Variants in CDH26 observed in about 807,000 individuals in gnomAD.
CDH26 encodes cadherin 26.
CDH26 carries 83 observed loss-of-function variants against 90.3 expected under a neutral mutation model. The ratio of observed to expected loss-of-function variants is 0.92; its 90% CI spans 0.77 to 1.10. CDH26 has a LOEUF of 1.10. CDH26 is among the 50% of genes least tolerant of loss of function. The probability of loss-of-function intolerance (pLI) is 0.00; values close to 1 mark genes in which losing one functional copy is unlikely to be tolerated. For synonymous variants in CDH26, 397 were observed against 396.3 expected (o/e 1.00, Z -0.02); for missense variants, 1,013 against 1,037.6 (o/e 0.98, Z 0.33).
intron 8 of CDH26, among the ~76,000 whole-genome samples, chr20:60,032,542 T>C (rs958299808): frequency 1.1e-4 from 16 of 152,116 alleles, no homozygotes; most frequent in Admixed American, 1.0e-3. Context: ...TAAAGACACA[T>C]GCACACGTAT....
At position 59,999,605 on chromosome 20, in the gene CDH26, G is replaced by T. The variant is rs2061648462; in HGVS notation, c.2039G>T (p.Gly680Val). The change falls in exon 14 of 18, where the codon GGC becomes GTC. Residue 680 changes from glycine to valine, a missense_variant. By Grantham distance (109) the Gly-to-Val change is moderately radical. Transcript: ENST00000348616. ...CTACAGACATGGTCAGATGTTGAAGGCCAGAGGCCGGCTCTGCTCATCTGC... is the reference window on the plus strand; with the variant it reads ...CTACAGACATGGTCAGATGTTGAAGTCCAGAGGCCGGCTCTGCTCATCTGC... ...TSAQTWSDVEGQRPALLICTA... is the reference protein window; with the variant it reads ...TSAQTWSDVEVQRPALLICTA... The T allele has an allele frequency of 6.2e-7, 1 of 1,613,942 alleles. No individual in the cohort carries two copies. Among genetic ancestry groups the T allele is most frequent in the African/African-American group, 1.3e-5 (1 of 74,920 alleles).
At chr20:59,999,994 A>G (rs1466052556) in intron 14 of CDH26, among the ~76,000 whole-genome samples, 1 of 152,242 alleles carries the variant, frequency 6.6e-6, no homozygotes, top group Non-Finnish European at 1.5e-5. Flanking sequence ...TTTTCTTAAA[A>G]TGGGCTTGTG....
chr20:60,026,536 G>T (rs1228722258), intron 7 of CDH26, among the ~76,000 whole-genome samples: 1 of 152,178 alleles, frequency 6.6e-6, no homozygotes, highest in Non-Finnish European at 1.5e-5. Context: ...CACAAGCCAA[G>T]GAATGTGGAT....
At chr20:59,973,744 A>G (rs1051005799) in intron 4 of CDH26, among the ~76,000 whole-genome samples, 2 of 152,226 alleles carry the variant, frequency 1.3e-5, no homozygotes, top group Non-Finnish European at 2.9e-5. Flanking sequence ...TTATGGCTGC[A>G]TAGTATTCCA....
chr20:59,966,290 C>T (rs1273688714), intron 1 of CDH26, among the ~76,000 whole-genome samples: 1 of 143,826 alleles, frequency 7.0e-6, no homozygotes, highest in Admixed American at 6.9e-5. Flanking sequence ...GAAGCAATCA[C>T]GCAAGTACTT....
chr20:59,964,657 G>C (rs981286584), intron 1 of CDH26, among the ~76,000 whole-genome samples: 5 of 152,302 alleles, frequency 3.3e-5, no homozygotes, highest in Admixed American at 2.0e-4. Context: ...AAAGAGAGGA[G>C]AAATGAAACA....
chr20:59,990,233 C>G (rs538783041), intron 9 of CDH26, among the ~76,000 whole-genome samples: 11 of 152,346 alleles, frequency 7.2e-5, no homozygotes, highest in African/African-American at 2.6e-4. Context: ...GGTATTGACA[C>G]ATTTTTGTTT....
At chr20:59,979,602 T>A (rs1312272080) in intron 4 of CDH26, among the ~76,000 whole-genome samples, 1 of 19,930 alleles carries the variant, frequency 5.0e-5, no homozygotes, top group Non-Finnish European at 8.4e-5. Flanking sequence ...TGCTATGCAC[T>A]TTTTTTTTTT....
chr20:60,004,807 C>CAT (rs2061725049), intron 16 of CDH26, among the ~76,000 whole-genome samples: 1 of 147,400 alleles, frequency 6.8e-6, no homozygotes, highest in Non-Finnish European at 1.5e-5. Flanking sequence ...AACACCTACA[C>CAT]ATAGAAAAGG....
chr20:60,013,860 C>T lies in CDH26; in HGVS notation c.*1130C>T, dbSNP rs2061879891. 6.6e-6 allele frequency: 1 copy of T among 152,134 alleles called. No homozygotes were observed. The highest frequency in any genetic ancestry group is 1.5e-5 in the Non-Finnish European group (1 of 68,026). 9.4% of individuals were successfully genotyped at this position (152,134 alleles called of 1,614,324 possible). A position where few individuals can be genotyped will look rare whatever the true frequency, so the allele number is the denominator to read the frequency against. ...TTTCCTACCTGGTTACCTCAGTCTT[C>T]CTCTGCTTTGGGAAGCTGAAAAAGA... On this transcript the variant is annotated 3_prime_UTR_variant, in exon 18 of 18. Transcript: ENST00000348616.
chr20:59,983,050 T>G lies in CDH26; in HGVS notation c.521T>G (p.Val174Gly), dbSNP rs2061412501. The change falls in exon 5 of 18, where the codon GTG becomes GGG. Residue 174 changes from valine (V) to glycine (G), a missense_variant. Physicochemically the swap from Val to Gly is moderately radical, Grantham distance 109. Coordinates refer to ENST00000348616, the MANE Select transcript of CDH26 (RefSeq NM_177980.4). ...CCAGAGAAGGAATTTAACATCACTG[T>G]GCAAGAAAACCAATCTGCAGGTGTG... is the stretch of plus-strand genomic sequence containing the variant. ...QFPEKEFNITVQENQSAGQPI... is the reference protein window; with the variant it reads ...QFPEKEFNITGQENQSAGQPI... 5.0e-6 allele frequency: 8 copies of G among 1,614,076 alleles called. No homozygotes were observed. Among genetic ancestry groups the G allele is most frequent in the Non-Finnish European group, 6.8e-6 (8 of 1,179,966 alleles).
At chr20:60,018,127 T>C (rs1015168600), downstream of CDH26, among the ~76,000 whole-genome samples, 3 of 152,054 alleles carry the variant, frequency 2.0e-5, no homozygotes, top group African/African-American at 7.2e-5. Flanking sequence ...GTCTATTTGG[T>C]AGGTTCAGTT....
In CDH26 at chr20:60,012,653, C is replaced by A; in HGVS notation, c.2422C>A (p.Pro808Thr). The change falls in exon 18 of 18, where the codon CCT (proline) becomes ACT (threonine). Residue 808 changes from proline (P) to threonine (T), a missense_variant. By Grantham distance (38) the Pro-to-Thr change is conservative (BLOSUM62 -1). Transcript: ENST00000348616. The stretch of plus-strand genomic sequence containing the variant: ...GGCCAGCTTGGAACAGGAGTTGCAA[C>A]CTGATTTGCTGGACTCTTTGGGTTC... Reference protein sequence around the residue: ...SLASLEQELQPDLLDSLGSKA... With the variant: ...SLASLEQELQTDLLDSLGSKA... The A allele has an allele frequency of 6.2e-7, 1 of 1,614,016 alleles. No individual in the cohort carries two copies. Among genetic ancestry groups the A allele is most frequent in the Non-Finnish European group, 8.5e-7 (1 of 1,180,008 alleles).
At chr20:59,989,236 A>G in intron 9 of CDH26, 73 bp downstream of exon 9, 2 of 1,585,272 alleles carry the variant, frequency 1.3e-6, no homozygotes, top group Admixed American at 3.4e-5. Flanking sequence ...CTCCTGTTAG[A>G]AAACCAGCTC....
At chr20:59,995,738 A>G (rs1204461846) in intron 11 of CDH26, 95 bp from the exon 12 acceptor site, 31 of 1,128,272 alleles carry the variant, frequency 2.7e-5, no homozygotes, top group Non-Finnish European at 3.8e-5. Context: ...ACTTTCATAC[A>G]GAGCTTGGCC....
At chr20:60,033,489 A>C (rs1289179968) in exon 9 of CDH26, 1 of 1,303,280 alleles carries the variant, frequency 7.7e-7, no homozygotes. Context: ...TTTGCAGATG[A>C]GGAGAACAAG....
intron 11 of CDH26, among the ~76,000 whole-genome samples, chr20:59,995,449 C>T (rs1450504621): frequency 6.6e-6 from 1 of 152,176 alleles, no homozygotes; most frequent in African/African-American, 2.4e-5. Flanking sequence ...TGTCCCTCAT[C>T]GATGCTGACC....
rs1479719725 is a variant in CDH26, at chr20:59,996,652, G to A, written c.1910G>A (p.Arg637Gln). The A allele has an allele frequency of 6.2e-6, 10 of 1,614,074 alleles. No individual in the cohort carries two copies. The highest frequency in any genetic ancestry group is 1.6e-4 in the Middle Eastern group (1 of 6,062). Residue 637 changes from arginine (R) to glutamine (Q), a missense_variant, in exon 13 of 18, where the codon CGA (arginine) becomes CAA (glutamine). Arg to Gln is a conservative substitution (Grantham distance 43). Transcript: ENST00000348616. ...ALAVALLFLL[R>Q]CYFVLEPKRH... ...ACAGTGGCTCTGCTTTTTCTGTTGC[G>A]ATGCTATTTTGTGCTTGAACCTAAG...
chr20:60,023,829 G>A (rs1212076845), intron 7 of CDH26, among the ~76,000 whole-genome samples: 1 of 152,174 alleles, frequency 6.6e-6, no homozygotes, highest in South Asian at 2.1e-4. Context: ...AGCCTGCTTA[G>A]CAGAAAATAA....
Sources: gnomAD v4.1 joint callset for allele counts (sites outside exome capture counted in the v4.1 genomes callset) on GRCh38, gnomAD v4.1.1 for gene constraint, MANE v1.5 for transcripts, NCBI Gene and HGNC (gene_info 2026-07-23, HGNC 2026-07-21) for gene names.